ABCG5: variants seen among roughly 807,000 people sequenced by gnomAD.
ABCG5 encodes the protein ATP-binding cassette sub-family G member 5.
ABCG5 carries 64 observed loss-of-function variants against 64.5 expected under a neutral mutation model. That is an observed-to-expected ratio of 0.99 (90% CI 0.81 to 1.22). ABCG5 has a LOEUF of 1.22. Ranked by LOEUF, ABCG5 falls within the 50% of genes most tolerant of loss-of-function variation. The pLI is 0.00. For missense variants in ABCG5, 908 were observed against 829.5 expected, an observed-to-expected ratio of 1.09 and a Z score of -1.16; for synonymous variants, 385 against 326.3, an observed-to-expected ratio of 1.18 and a Z score of -1.94.
At chr2:43,819,878 T>A (rs1271226693) in intron 11 of ABCG5, 37 bp downstream of exon 11, 12 of 1,605,654 alleles carry the variant, frequency 7.5e-6, no homozygotes, top group Non-Finnish European at 8.5e-6. Flanking sequence ...AATAACAGAT[T>A]ATCCCAATCT....
chr2:43,811,482 T>A (rs569630409), downstream of ABCG5, among the ~76,000 whole-genome samples: 2 of 152,350 alleles, frequency 1.3e-5, no homozygotes, highest in African/African-American at 2.4e-5. Flanking sequence ...TCATGCGCTC[T>A]CTACCATATT....
intron 2 of ABCG5, 112 bp from the exon 3 acceptor site, chr2:43,832,195 C>G (rs1667993737): frequency 1.4e-6 from 2 of 1,438,828 alleles, no homozygotes; most frequent in Non-Finnish European, 1.9e-6. Context: ...TGCTACATGA[C>G]GGACCCTGTT....
At position 43,819,925 on chromosome 2, in the gene ABCG5, C is replaced by CAGATCCAACA. The variant is rs2104783876; in HGVS notation, c.1629_1638dup (p.Gly547CysfsTer17). On this transcript the variant is annotated frameshift_variant, in exon 11 of 13. Coordinates refer to ENST00000405322, the MANE Select transcript of ABCG5 (RefSeq NM_022436.3). LOFTEE classifies it high-confidence loss of function. ...ATTATGATATCTTACCTGAGGAATC[C>CAGATCCAACA]AGATCCAACAAGCACCCCCGCAATG... is the stretch of plus-strand genomic sequence containing the variant. 6.2e-7 allele frequency: 1 copy of CAGATCCAACA among 1,614,076 alleles called. No homozygotes were observed. The highest frequency in any genetic ancestry group is 1.6e-4 in the Middle Eastern group (1 of 6,062).
intron 2 of ABCG5, among the ~76,000 whole-genome samples, chr2:43,835,327 G>A (rs1419148963): frequency 6.6e-6 from 1 of 152,012 alleles, no homozygotes; most frequent in East Asian, 1.9e-4. Context: ...CTTAGAAGTG[G>A]GACACACTTC....
chr2:43,809,555 C>G (rs539342249), downstream of ABCG5: 663 of 659,230 alleles, frequency 1.0e-3, 2 homozygotes, highest in Non-Finnish European at 1.1e-3. Context: ...TAAGCATAAT[C>G]ATTTACAAAA....
At chr2:43,807,167 A>T in the ABCG5 span, among the ~76,000 whole-genome samples, 1 of 152,072 alleles carries the variant, frequency 6.6e-6, no homozygotes, top group African/African-American at 2.4e-5. Flanking sequence ...TGAGACCTTA[A>T]GTTGTTTCCA....
Position 43,823,749 on chromosome 2 carries a change from G to A in ABCG5, c.1324+164C>T, listed in dbSNP as rs4148187. On this transcript the variant is annotated intron_variant, in intron 9 of 12. Coordinates refer to ENST00000405322, the MANE Select transcript of ABCG5 (RefSeq NM_022436.3). ...ACCTGGTGAGCTCATTCATATTAAC[G>A]TGTTGGTAACTCAATAGTTGCCTTT... Among the ~76,000 whole-genome samples the A allele has an allele frequency of 0.37, 56,747 of 152,034 alleles. 11,210 individuals carry two copies. The highest frequency in any genetic ancestry group is 0.79 in the East Asian group (4,067 of 5,156).
chr2:43,838,953 A>T, upstream of ABCG5: 4 of 1,346,038 alleles, frequency 3.0e-6, no homozygotes, highest in Non-Finnish European at 4.1e-6. The surrounding 1 kb of genome is among the most constrained non-coding windows in gnomAD (Gnocchi z 4.2). Flanking sequence ...CAGGAGGCCG[A>T]GGTGTCCCTG....
rs1428480606 is a variant in ABCG5 at position 43,813,310 on chromosome 2, C to T, written c.1763-1G>A. On this transcript the variant is annotated splice_acceptor_variant, in intron 12 of 12. Coordinates refer to ENST00000405322, the MANE Select transcript of ABCG5 (RefSeq NM_022436.3). LOFTEE classifies it high-confidence loss of function. ...GTTGTCACAGAAACATTTGAGCTGCCTGTCAAGGAAAAGATTGACAGTGTC... is the reference window on the plus strand; with the variant it reads ...GTTGTCACAGAAACATTTGAGCTGCTTGTCAAGGAAAAGATTGACAGTGTC... 1.2e-6 allele frequency: 2 copies of T among 1,607,204 alleles called. No individual in the cohort carries two copies. Among genetic ancestry groups the T allele is most frequent in the Non-Finnish European group, 1.7e-6 (2 of 1,174,508 alleles).
intron 2 of ABCG5, among the ~76,000 whole-genome samples, chr2:43,833,718 T>C (rs936850111): frequency 2.6e-5 from 4 of 151,440 alleles, no homozygotes; most frequent in African/African-American, 9.7e-5. Flanking sequence ...GGAGTCTCAC[T>C]CTATTGCCCA....
chr2:43,806,407 G>A, the ABCG5 span, among the ~76,000 whole-genome samples: 2 of 152,088 alleles, frequency 1.3e-5, no homozygotes, highest in African/African-American at 4.8e-5. Context: ...ATTCACCTTC[G>A]GGGGCTGTTG....
chr2:43,813,264 G>T lies in ABCG5; in HGVS notation c.1808C>A (p.Thr603Asn). Residue 603 changes from threonine to asparagine, a missense_variant, in exon 13 of 13, where the codon ACT (threonine) becomes AAT (asparagine). Transcript: ENST00000405322. Reference protein sequence around the residue: ...SVTTNPMCAFTQGIQFIEKTC... With the variant: ...SVTTNPMCAFNQGIQFIEKTC... ...TTTCTCAATGAATTGAATTCCTTGA[G>T]TGAAGGCACACATTGGATTAGTTGT... The T allele has an allele frequency of 6.2e-7, 1 of 1,613,952 alleles. No homozygotes were observed. The highest frequency in any genetic ancestry group is 8.5e-7 in the Non-Finnish European group (1 of 1,179,922).
chr2:43,809,075 G>T (rs1295686234), downstream of ABCG5, among the ~76,000 whole-genome samples: 3 of 151,826 alleles, frequency 2.0e-5, no homozygotes, highest in Non-Finnish European at 4.4e-5. Flanking sequence ...TGCAGCCTTG[G>T]CCTCCCAGGT....
At chr2:43,810,798 A>G (rs1440847196), downstream of ABCG5, among the ~76,000 whole-genome samples, 4 of 152,212 alleles carry the variant, frequency 2.6e-5, no homozygotes, top group African/African-American at 9.6e-5. Context: ...GTGCTATGGA[A>G]AAAGAAATCC....
At chr2:43,820,823 T>A (rs1370974440) in intron 10 of ABCG5, among the ~76,000 whole-genome samples, 1 of 152,080 alleles carries the variant, frequency 6.6e-6, no homozygotes, top group Non-Finnish European at 1.5e-5. Flanking sequence ...CCAGCTAATT[T>A]TTTTGTATTT....
Position 43,826,498 on chromosome 2 carries a change from T to C in ABCG5, c.658A>G (p.Thr220Ala), listed in dbSNP as rs781732933. ...GCAGTCATGCAGTCCAGGCCTGTGG[T>C]TGGCTCATCAAACAGCATGACCTCT... is the stretch of plus-strand genomic sequence containing the variant. ...DPKVMLFDEP[T>A]TGLDCMTANQ... is the part of the protein sequence containing the mutation. The change falls in exon 6 of 13, where the codon ACC becomes GCC. Residue 220 changes from threonine to alanine, a missense_variant. Thr to Ala is a moderately conservative substitution (Grantham distance 58, BLOSUM62 0). Transcript: ENST00000405322. The C allele has an allele frequency of 1.4e-5, 22 of 1,614,066 alleles. No individual in the cohort carries two copies. The highest frequency in any genetic ancestry group is 1.3e-4 in the Admixed American group (8 of 59,996).
chr2:43,824,457 C>A lies in ABCG5; in HGVS notation c.905-25G>T, dbSNP rs780811654. The A allele has an allele frequency of 8.7e-6, 14 of 1,611,844 alleles. 1 individual carries two copies. The South Asian group carries it at 1.4e-4, about 16-fold the overall frequency. ...ACTAAAAGTTTTTCCCAAAAGATGT[C>A]ACCCATGTGTTTTTAAATGCATGTA... is the stretch of plus-strand genomic sequence containing the variant. On this transcript the variant is annotated intron_variant, in intron 7 of 12. Transcript: ENST00000405322.
chr2:43,826,320 T>G (rs950813095), intron 6 of ABCG5, 62 bp downstream of exon 6: 2 of 1,611,066 alleles, frequency 1.2e-6, no homozygotes, highest in East Asian at 2.2e-5. Flanking sequence ...ATCTTGCCCC[T>G]GCCCCTGTGA....
intron 4 of ABCG5, among the ~76,000 whole-genome samples, chr2:43,831,498 C>G (rs538899867): frequency 6.6e-6 from 1 of 152,114 alleles, no homozygotes; most frequent in East Asian, 1.9e-4. Context: ...GGCTTTTTCA[C>G]GTTCTGTTTT....
Sources: allele counts gnomAD v4.1 joint callset (sites outside exome capture counted in the v4.1 genomes callset), GRCh38; gene constraint gnomAD v4.1.1; non-coding constraint Gnocchi (gnomAD v3.1); transcripts MANE v1.5; gene names NCBI Gene and HGNC (gene_info 2026-07-23, HGNC 2026-07-21).